Variants in GLYCTK observed in about 807,000 individuals in gnomAD.
The protein encoded by GLYCTK is glycerate kinase.
GLYCTK carries 22 observed loss-of-function variants against 24.8 expected under a neutral mutation model. The ratio of observed to expected loss-of-function variants is 0.89; its 90% confidence interval spans 0.63 to 1.27. The LOEUF (loss-of-function observed/expected upper bound fraction) is 1.27. Among genes scored for constraint, GLYCTK ranks in the 50% most tolerant of loss-of-function variants. The pLI is 0.00. For synonymous variants in GLYCTK, 320 were observed against 297.2 expected (o/e 1.08, Z -0.79); for missense variants, 684 against 686.7 (o/e 1.00, Z 0.04).
chr3:52,293,966 C>G lies in GLYCTK; in HGVS notation c.*840C>G. The G allele has an allele frequency of 4.5e-6, 2 of 444,794 alleles. No homozygotes were observed. Among genetic ancestry groups the G allele is most frequent in the South Asian group, 3.2e-5 (2 of 63,262 alleles). 27.6% of individuals were successfully genotyped at this position (444,794 alleles called of 1,614,324 possible). On this transcript the variant is annotated 3_prime_UTR_variant, in exon 5 of 5. Coordinates refer to ENST00000436784, the MANE Select transcript of GLYCTK (RefSeq NM_145262.4). ...TGAACATCCCTAGTTCCTTCAGCCA[C>G]TCCTCTGGGGACCAAGTCCAGACCC...
chr3:52,288,021 A>G (rs949532032), intron 1 of GLYCTK, 145 bp downstream of exon 1: 7 of 299,344 alleles, frequency 2.3e-5, no homozygotes, highest in South Asian at 1.6e-4. Context: ...GCCCTACCTT[A>G]GGATGACGTC....
rs775764441 is a variant in GLYCTK at position 52,293,423 on chromosome 3, G to GT, written c.*300dup. The GT allele has an allele frequency of 3.2e-6, 2 of 633,742 alleles. No homozygotes were observed. The highest frequency in any genetic ancestry group is 3.0e-5 in the South Asian group (2 of 66,216). The allele number at this position is 633,742 out of a possible 1,614,324, so 39.3% of individuals were successfully genotyped here. On this transcript the variant is annotated 3_prime_UTR_variant, in exon 5 of 5. Transcript: ENST00000436784. ...GCCTCTCTCTTGAGCCCCTCACCCT[G>GT]TTTCTTTCTGTGAAGCGAGAATGTC...
chr3:52,292,256 C>G lies in GLYCTK; in HGVS notation c.706-4C>G. 1 of 1,613,804 alleles carries G rather than the reference C, an allele frequency of 6.2e-7. No individual in the cohort carries two copies. Among genetic ancestry groups the G allele is most frequent in the Non-Finnish European group, 8.5e-7 (1 of 1,179,916 alleles). On this transcript the variant is annotated splice_polypyrimidine_tract_variant and splice_region_variant and intron_variant, in intron 4 of 4. Coordinates refer to ENST00000436784, the MANE Select transcript of GLYCTK (RefSeq NM_145262.4). ...CTGAGCCTTGTCTGGTGGCCCTTCC[C>G]CAGGTGGTGAGCCTCATCCTGTCAG...
At position 52,294,787 on chromosome 3, in the gene GLYCTK, A is replaced by G. The variant is rs1312961853; in HGVS notation, c.*1661A>G. On this transcript the variant is annotated 3_prime_UTR_variant, in exon 5 of 5. Transcript: ENST00000436784. The stretch of plus-strand genomic sequence containing the variant: ...GTTCCAAGTTCCAGGCAAAAGCAGG[A>G]TAGGAGAGCTGGGGCAGGGGCTGCA... 3 of 453,702 alleles carry G rather than the reference A, an allele frequency of 6.6e-6. No individual in the cohort carries two copies. The highest frequency in any genetic ancestry group is 6.9e-4 in the Middle Eastern group (1 of 1,444). 28.1% of individuals were successfully genotyped at this position (453,702 alleles called of 1,614,324 possible). A position where few individuals can be genotyped will look rare whatever the true frequency, so the allele number is the denominator to read the frequency against.
chr3:52,294,473 C>T lies in GLYCTK; in HGVS notation c.*1347C>T. The T allele has an allele frequency of 2.5e-6, 1 of 407,326 alleles. No individual in the cohort carries two copies. The highest frequency in any genetic ancestry group is 4.9e-6 in the Non-Finnish European group (1 of 203,542). The allele number at this position is 407,326 out of a possible 1,614,324, so 25.2% of individuals were successfully genotyped here. ...TTGCAGACAGTTCATGACCTGGGGG[C>T]CTGGCTCACACAGGGCAGGCTGGAG... On this transcript the variant is annotated 3_prime_UTR_variant, in exon 5 of 5. Transcript: ENST00000436784.
At chr3:52,288,067 A>C (rs2153220428) in intron 1 of GLYCTK, 191 bp downstream of exon 1, 1 of 229,292 alleles carries the variant, frequency 4.4e-6, no homozygotes, top group African/African-American at 2.3e-5. Flanking sequence ...AAAGCCGGAA[A>C]TGGTACCAGC....
rs1230184965 is a variant in GLYCTK at position 52,287,856 on chromosome 3, C to A, written c.-60C>A. 5 of 452,472 alleles carry A rather than the reference C, an allele frequency of 1.1e-5. No homozygotes were observed. The highest frequency in any genetic ancestry group is 1.6e-5 in the South Asian group (1 of 64,416). The allele number at this position is 452,472 out of a possible 1,614,324, so 28.0% of individuals were successfully genotyped here. On this transcript the variant is annotated 5_prime_UTR_variant, in exon 1 of 5. Transcript: ENST00000436784. ...ACTTCCGTTCTCCAGCGCTGGGCAC[C>A]GCGGCCGGAGCTGTGGGCTGGTAAG... is the stretch of plus-strand genomic sequence containing the variant.
chr3:52,291,582 A>G, intron 3 of GLYCTK, 165 bp from the exon 4 acceptor site: 1 of 650,390 alleles, frequency 1.5e-6, no homozygotes, highest in Non-Finnish European at 2.7e-6. Flanking sequence ...GGGCAACCTC[A>G]GGTGGCCAGG....
intron 1 of GLYCTK, among the ~76,000 whole-genome samples, chr3:52,289,563 G>T (rs1317304702): frequency 6.6e-6 from 1 of 152,236 alleles, no homozygotes; most frequent in Non-Finnish European, 1.5e-5. Flanking sequence ...GGGCTTCATG[G>T]CACATGGCCT....
In GLYCTK at chr3:52,294,934, C is replaced by T; in HGVS notation, c.*1808C>T. On this transcript the variant is annotated 3_prime_UTR_variant, in exon 5 of 5. Coordinates refer to ENST00000436784, the MANE Select transcript of GLYCTK (RefSeq NM_145262.4). ...GCATCTCTGAGTGTACACATAGATA[C>T]TTAGTACAGGGCACATGACTCCCTG... 2.2e-6 allele frequency: 1 copy of T among 454,054 alleles called. No homozygotes were observed. The highest frequency in any genetic ancestry group is 1.6e-5 in the South Asian group (1 of 64,474). 28.1% of individuals were successfully genotyped at this position (454,054 alleles called of 1,614,324 possible).
rs1239903713 is a variant in GLYCTK at position 52,294,192 on chromosome 3, T to C, written c.*1066T>C. 1.9e-6 allele frequency: 1 copy of C among 534,370 alleles called. No homozygotes were observed. Among genetic ancestry groups the C allele is most frequent in the East Asian group, 5.5e-5 (1 of 18,346 alleles). The allele number at this position is 534,370 out of a possible 1,614,324, so 33.1% of individuals were successfully genotyped here. A position where few individuals can be genotyped will look rare whatever the true frequency, so the allele number is the denominator to read the frequency against. On this transcript the variant is annotated 3_prime_UTR_variant, in exon 5 of 5. Transcript: ENST00000436784. ...TGTCCTGCCTCCTTTTGAGCCCCCT[T>C]GCTCAGTGTCAGAACCCTCCGCTGG... is the stretch of plus-strand genomic sequence containing the variant.
At position 52,292,507 on chromosome 3, in the gene GLYCTK, A is replaced by C; in HGVS notation, c.953A>C (p.Glu318Ala). The C allele has an allele frequency of 6.2e-7, 1 of 1,613,740 alleles. No homozygotes were observed. Among genetic ancestry groups the C allele is most frequent in the African/African-American group, 1.3e-5 (1 of 75,062 alleles). ...IIGSNVLALA[E>A]AQRQAEALGY... is the part of the protein sequence containing the mutation. Reference sequence around the variant, plus strand: ...GGCTCTAATGTGCTGGCGCTAGCTGAGGCCCAGCGGCAGGCCGAGGCACTG... The same window carrying C: ...GGCTCTAATGTGCTGGCGCTAGCTGCGGCCCAGCGGCAGGCCGAGGCACTG... Residue 318 changes from glutamate (E) to alanine (A), a missense_variant, in exon 5 of 5, where the codon GAG (glutamate) becomes GCG (alanine). Physicochemically the swap from Glu to Ala is moderately radical, Grantham distance 107. Coordinates refer to ENST00000436784, the MANE Select transcript of GLYCTK (RefSeq NM_145262.4).
At position 52,293,115 on chromosome 3, in the gene GLYCTK, C is replaced by T. The variant is rs370143058; in HGVS notation, c.1561C>T (p.Arg521Trp). 89 of 1,613,638 alleles carry T rather than the reference C, an allele frequency of 5.5e-5. No homozygotes were observed. The highest frequency in any genetic ancestry group is 9.3e-5 in the African/African-American group (7 of 74,940). ...NVMDTHLLFL[R>W]PR The stretch of plus-strand genomic sequence containing the variant: ...CATGGACACCCACCTCTTGTTCCTG[C>T]GGCCTCGGTGATGGCATAGGTCACA... Residue 521 changes from arginine to tryptophan, a missense_variant, in exon 5 of 5, where the codon CGG becomes TGG. Coordinates refer to ENST00000436784, the MANE Select transcript of GLYCTK (RefSeq NM_145262.4).
rs1700429589 is a variant in GLYCTK, at chr3:52,290,538, A to G, written c.196A>G (p.Arg66Gly). Reference sequence around the variant, plus strand: ...GGCACTATCCTTGGACCCTGGTGGCAGACAGCTGAAGGTGCGGGACCGGAA... The same window carrying G: ...GGCACTATCCTTGGACCCTGGTGGCGGACAGCTGAAGGTGCGGGACCGGAA... ...HRALSLDPGG[R>G]QLKVRDRNFQ... The change falls in exon 2 of 5, where the codon AGA (arginine) becomes GGA (glycine). Residue 66 changes from arginine to glycine, a missense_variant. Arg to Gly is a moderately radical substitution (Grantham distance 125). Coordinates refer to ENST00000436784, the MANE Select transcript of GLYCTK (RefSeq NM_145262.4). The G allele has an allele frequency of 1.2e-6, 2 of 1,613,656 alleles. No homozygotes were observed. The highest frequency in any genetic ancestry group is 1.7e-6 in the Non-Finnish European group (2 of 1,180,018).
Position 52,291,750 on chromosome 3 carries a change from G to C in GLYCTK, c.533G>C (p.Gly178Ala). 21 of 1,613,478 alleles carry C rather than the reference G, an allele frequency of 1.3e-5. No individual in the cohort carries two copies. The highest frequency in any genetic ancestry group is 1.4e-5 in the Non-Finnish European group (17 of 1,179,978). ...GATACCCTCATTGTCTTGAGAGGTGGGGGTTCAGCTCTGCTGCCTGCCCCC... is the reference window on the plus strand; with the variant it reads ...GATACCCTCATTGTCTTGAGAGGTGCGGGTTCAGCTCTGCTGCCTGCCCCC... ...DDLLLVLISG[G>A]GSALLPAPIP... is the part of the protein sequence containing the mutation. The change falls in exon 4 of 5, where the codon GGG (glycine) becomes GCG (alanine). Residue 178 changes from glycine (G) to alanine (A), a missense_variant. Physicochemically the swap from Gly to Ala is moderately conservative, Grantham distance 60. Coordinates refer to ENST00000436784, the MANE Select transcript of GLYCTK (RefSeq NM_145262.4).
rs1700429196 is a variant in GLYCTK, at chr3:52,290,523, T to G, written c.181T>G (p.Leu61Val). 1 of 1,613,584 alleles carries G rather than the reference T, an allele frequency of 6.2e-7. No individual in the cohort carries two copies. Among genetic ancestry groups the G allele is most frequent in the African/African-American group, 1.3e-5 (1 of 75,056 alleles). Reference sequence around the variant, plus strand: ...CCCCATGCTGCACCGGGCACTATCCTTGGACCCTGGTGGCAGACAGCTGAA... The same window carrying G: ...CCCCATGCTGCACCGGGCACTATCCGTGGACCCTGGTGGCAGACAGCTGAA... ...PGPMLHRALS[L>V]DPGGRQLKVR... Residue 61 changes from leucine (L) to valine (V), a missense_variant, in exon 2 of 5, where the codon TTG becomes GTG. Physicochemically the swap from Leu to Val is conservative, Grantham distance 32. Coordinates refer to ENST00000436784, the MANE Select transcript of GLYCTK (RefSeq NM_145262.4).
At position 52,294,370 on chromosome 3, in the gene GLYCTK, GGGGCCCT is replaced by G. The variant is rs1461003250; in HGVS notation, c.*1250_*1256del. Reference sequence around the variant, plus strand: ...CTCCCCTCCTCCCTGAGGGTGTGGAGGGGCCCTGGGCCAGGGCTGGCAGGACTTTCCC... The same window carrying G: ...CTCCCCTCCTCCCTGAGGGTGTGGAGGGGCCAGGGCTGGCAGGACTTTCCC... On this transcript the variant is annotated 3_prime_UTR_variant, in exon 5 of 5. Transcript: ENST00000436784. The G allele has an allele frequency of 1.9e-6, 1 of 532,708 alleles. No individual in the cohort carries two copies. Among genetic ancestry groups the G allele is most frequent in the African/African-American group, 1.9e-5 (1 of 51,948 alleles). 33.0% of individuals were successfully genotyped at this position (532,708 alleles called of 1,614,324 possible). A position where few individuals can be genotyped will look rare whatever the true frequency, so the allele number is the denominator to read the frequency against.
chr3:52,291,463 C>T, intron 3 of GLYCTK: 1 of 581,480 alleles, frequency 1.7e-6, no homozygotes, highest in Non-Finnish European at 3.1e-6. Context: ...TCATGGAGTC[C>T]TCTCCTTGAT....
Position 52,290,528 on chromosome 3 carries a change from C to T in GLYCTK, c.186C>T (p.Asp62=), listed in dbSNP as rs1291122748. ...TGCTGCACCGGGCACTATCCTTGGA[C>T]CCTGGTGGCAGACAGCTGAAGGTGC... ...GPMLHRALSL[D]PGGRQLKVRD... Residue 62 remains aspartate (D), a synonymous_variant, in exon 2 of 5, where the codon GAC becomes GAT. Transcript: ENST00000436784. The T allele has an allele frequency of 1.2e-6, 2 of 1,613,480 alleles. No individual in the cohort carries two copies. Among genetic ancestry groups the T allele is most frequent in the Non-Finnish European group, 8.5e-7 (1 of 1,180,022 alleles).
Sources: allele counts gnomAD v4.1 joint callset (sites outside exome capture counted in the v4.1 genomes callset), GRCh38; gene constraint gnomAD v4.1.1; transcripts MANE v1.5; gene names NCBI Gene and HGNC (gene_info 2026-07-23, HGNC 2026-07-21).